NLGN4X: variants seen among roughly 807,000 people sequenced by gnomAD.
The protein encoded by NLGN4X is neuroligin 4 X-linked, also known as neuroligin-4, X-linked.
In NLGN4X, 3 loss-of-function variants were observed where a neutral mutation model predicts 40.3. That is an observed-to-expected ratio of 0.07 (90% CI 0.03 to 0.19). The LOEUF is 0.19. Ranked by LOEUF, NLGN4X falls within the 10% of genes least tolerant of loss-of-function variation. NLGN4X has a pLI of 1.00. For missense variants in NLGN4X, 382 were observed against 708.3 expected, an observed-to-expected ratio of 0.54 and a Z score of 5.23; for synonymous variants, 270 against 306.8, an observed-to-expected ratio of 0.88 and a Z score of 1.25.
At chrX:6,205,508 A>G (rs1006457859) in intron 1 of NLGN4X, among the ~76,000 whole-genome samples, 2 of 112,764 alleles carry the variant, frequency 1.8e-5, no homozygotes, top group African/African-American at 6.4e-5. Context: ...CCCAGATAAG[A>G]AAAGAGAAGG....
intron 2 of NLGN4X, among the ~76,000 whole-genome samples, chrX:6,124,146 A>G (rs1236177696): frequency 9.0e-6 from 1 of 111,290 alleles, no homozygotes; most frequent in Non-Finnish European, 1.9e-5. Context: ...AATAAATACT[A>G]GAAAAGGAAT....
chrX:5,931,750 ATC>A (rs1164346899), intron 3 of NLGN4X, among the ~76,000 whole-genome samples: 1 of 111,746 alleles, frequency 8.9e-6, no homozygotes, highest in African/African-American at 3.3e-5. Flanking sequence ...AAGACGAGGC[ATC>A]AATCTGCGGA....
At chrX:6,202,738 T>A (rs954876244) in intron 1 of NLGN4X, among the ~76,000 whole-genome samples, 1 of 111,938 alleles carries the variant, frequency 8.9e-6, no homozygotes, top group Non-Finnish European at 1.9e-5. Context: ...TCTCTCAAAG[T>A]CTATTGATTA....
rs931771860 is a variant in NLGN4X at position 5,909,850 on chromosome X, T to C, written c.626-611A>G. On this transcript the variant is annotated intron_variant, in intron 3 of 5. Coordinates refer to ENST00000381095, the MANE Select transcript of NLGN4X (RefSeq NM_181332.3). ...TAGTATACACCTCTATTTTCCTACA[T>C]AGCGAAAATATTAGTCACATACAAA... Among the ~76,000 whole-genome samples, 35 of 111,177 alleles carry C rather than the reference T, an allele frequency of 3.1e-4. 1 individual carries two copies. The highest frequency in any genetic ancestry group is 1.9e-4 in the Admixed American group (2 of 10,351).
intron 2 of NLGN4X, among the ~76,000 whole-genome samples, chrX:6,107,868 C>A (rs1327986098): frequency 8.9e-6 from 1 of 112,249 alleles, no homozygotes; most frequent in Non-Finnish European, 1.9e-5. Context: ...CATGTTGCTG[C>A]AAAGGACATG....
At chrX:6,225,225 A>T (rs1926105564) in intron 1 of NLGN4X, among the ~76,000 whole-genome samples, 1 of 107,316 alleles carries the variant, frequency 9.3e-6, no homozygotes, top group Admixed American at 1.0e-4. Flanking sequence ...AAATACAGGG[A>T]TTAATGCAAC....
At chrX:6,098,776 C>T (rs1466548589) in intron 2 of NLGN4X, among the ~76,000 whole-genome samples, 1 of 111,479 alleles carries the variant, frequency 9.0e-6, no homozygotes, top group African/African-American at 3.3e-5. Context: ...ACCTTCTTAC[C>T]CTAATAACTT....
chrX:6,015,766 T>C (rs1195360857), intron 3 of NLGN4X, among the ~76,000 whole-genome samples: 1 of 112,142 alleles, frequency 8.9e-6, no homozygotes, highest in African/African-American at 3.2e-5. Flanking sequence ...CATACAATGA[T>C]GAGACAGCCA....
chrX:5,919,323 C>T (rs770799728), intron 3 of NLGN4X, among the ~76,000 whole-genome samples: 8 of 111,722 alleles, frequency 7.2e-5, no homozygotes, highest in African/African-American at 2.6e-4. Flanking sequence ...CAGTTTCTGT[C>T]TTATAAGGAT....
In NLGN4X at chrX:6,029,446, C is replaced by G. The variant is rs1569195716; in HGVS notation, c.473-14G>C. 2.5e-6 allele frequency: 3 copies of G among 1,203,452 alleles called. No homozygotes were observed. Among genetic ancestry groups the G allele is most frequent in the Non-Finnish European group, 3.4e-6 (3 of 888,962 alleles). On this transcript the variant is annotated splice_polypyrimidine_tract_variant and intron_variant, in intron 2 of 5. Transcript: ENST00000381095. ...GATCATGAATATCTGGAAAAAAAAG[C>G]CAAGTAAGGAAACACAATAAAGAAT...
chrX:5,993,431 A>C (rs2035737089), intron 3 of NLGN4X, among the ~76,000 whole-genome samples: 1 of 112,024 alleles, frequency 8.9e-6, no homozygotes, highest in Non-Finnish European at 1.9e-5. Flanking sequence ...GTGTCCTACG[A>C]ATTGTAGGAT....
At chrX:6,023,278 C>T (rs1028985725) in intron 3 of NLGN4X, among the ~76,000 whole-genome samples, 6 of 111,696 alleles carry the variant, frequency 5.4e-5, no homozygotes, top group African/African-American at 1.6e-4. Context: ...CAAAGCAAAC[C>T]AGTATCGATT....
At chrX:6,085,170 C>T (rs772602227) in intron 2 of NLGN4X, among the ~76,000 whole-genome samples, 6 of 109,494 alleles carry the variant, frequency 5.5e-5, no homozygotes, top group South Asian at 4.0e-4. Context: ...CTATGTCAGA[C>T]GTTTGGTGGC....
chrX:6,181,833 C>T (rs138413757), intron 1 of NLGN4X, among the ~76,000 whole-genome samples: 46 of 111,965 alleles, frequency 4.1e-4, no homozygotes, highest in African/African-American at 1.2e-3. Context: ...ATTACAATAA[C>T]GTAAGATATT....
chrX:6,160,405 T>G (rs938626205), intron 1 of NLGN4X, among the ~76,000 whole-genome samples: 3 of 112,020 alleles, frequency 2.7e-5, no homozygotes, highest in African/African-American at 9.7e-5. Flanking sequence ...ATTTACTGAC[T>G]TTTTCCCAGA....
intron 5 of NLGN4X, among the ~76,000 whole-genome samples, chrX:5,899,173 T>C (rs1422194828): frequency 1.8e-5 from 2 of 112,448 alleles, no homozygotes; most frequent in Non-Finnish European, 3.7e-5. Flanking sequence ...GTCATTCTAA[T>C]ACCTTTCCAA....
At chrX:6,120,359 T>C (rs993580967) in intron 2 of NLGN4X, among the ~76,000 whole-genome samples, 2 of 111,556 alleles carry the variant, frequency 1.8e-5, no homozygotes, top group Non-Finnish European at 3.8e-5. Context: ...TAAAGAAAAA[T>C]TTCTTTGTTG....
chrX:6,097,346 T>C (rs185152522), intron 2 of NLGN4X, among the ~76,000 whole-genome samples: 1 of 110,897 alleles, frequency 9.0e-6, no homozygotes, highest in Non-Finnish European at 1.9e-5. Flanking sequence ...AAGACAGTCA[T>C]TGACAACATT....
intron 3 of NLGN4X, among the ~76,000 whole-genome samples, chrX:5,945,740 T>C (rs1309568012): frequency 2.7e-5 from 3 of 109,983 alleles, no homozygotes; most frequent in Non-Finnish European, 5.7e-5. Context: ...CATGCACACA[T>C]AGAGGGGAAC....
Sources: allele counts gnomAD v4.1 joint callset (sites outside exome capture counted in the v4.1 genomes callset), GRCh38; gene constraint gnomAD v4.1.1; transcripts MANE v1.5; gene names NCBI Gene and HGNC (gene_info 2026-07-23, HGNC 2026-07-21).